SULT2B1: variants seen among roughly 807,000 people sequenced by gnomAD.
The protein encoded by SULT2B1 is sulfotransferase family 2B member 1, also known as sulfotransferase 2B1.
In SULT2B1, 16 loss-of-function variants were observed where a neutral mutation model predicts 33.2. That is an observed-to-expected ratio of 0.48 (90% confidence interval 0.33 to 0.73). The LOEUF is 0.73. Among genes scored for constraint, SULT2B1 ranks in the 30% least tolerant of loss-of-function variants. The probability of loss-of-function intolerance (pLI) is 0.02; values close to 1 mark genes in which losing one functional copy is unlikely to be tolerated. For missense variants in SULT2B1, 500 were observed against 506.0 expected, an observed-to-expected ratio of 0.99 and a Z score of 0.11; for synonymous variants, 186 against 200.5, an observed-to-expected ratio of 0.93 and a Z score of 0.61.
chr19:48,586,215 C>T lies in SULT2B1; in HGVS notation c.215-1014C>T, dbSNP rs926230911. Among the ~76,000 whole-genome samples the T allele has an allele frequency of 3.9e-5, 6 of 152,126 alleles. No individual in the cohort carries two copies. The East Asian group carries it at 1.2e-3, about 29-fold the overall frequency. ...CCAGCCTGGGTGACAGAGCAAGATT[C>T]TGTCCCCAAAAAAATAAATAAGTAA... On this transcript the variant is annotated intron_variant, in intron 2 of 6. Coordinates refer to ENST00000201586, the MANE Select transcript of SULT2B1 (RefSeq NM_177973.2).
chr19:48,557,643 A>C (rs13343592), intron 1 of SULT2B1, among the ~76,000 whole-genome samples: 36,475 of 149,290 alleles, frequency 0.24, 4,661 homozygotes, highest in East Asian at 0.45. Context: ...GAGGCCGGGC[A>C]CGGTGGCTCA....
At chr19:48,578,830 T>C (rs1464838119) in intron 2 of SULT2B1, among the ~76,000 whole-genome samples, 1 of 151,640 alleles carries the variant, frequency 6.6e-6, no homozygotes, top group Non-Finnish European at 1.5e-5. Flanking sequence ...GAGCCAAGAG[T>C]GCACCACTGA....
intron 1 of SULT2B1, among the ~76,000 whole-genome samples, chr19:48,567,477 G>A (rs762496997): frequency 5.3e-5 from 8 of 151,756 alleles, no homozygotes; most frequent in East Asian, 2.0e-4. Flanking sequence ...CAGGAGAATC[G>A]CTTGAACCCA....
chr19:48,560,211 C>T (rs1034601962), intron 1 of SULT2B1, among the ~76,000 whole-genome samples: 3 of 152,046 alleles, frequency 2.0e-5, no homozygotes, highest in South Asian at 2.1e-4. Flanking sequence ...GCCAGAAACT[C>T]GAATGCTAGC....
chr19:48,587,264 C>A lies in SULT2B1; in HGVS notation c.250C>A (p.Leu84Met), dbSNP rs773038899. Residue 84 changes from leucine to methionine, a missense_variant, in exon 3 of 7, where the codon CTG (leucine) becomes ATG (methionine). Physicochemically the swap from Leu to Met is conservative, Grantham distance 15. Transcript: ENST00000201586. Reference protein sequence around the residue: ...TWMIEIICLILKEGDPSWIRS... With the variant: ...TWMIEIICLIMKEGDPSWIRS... ...GATGATCGAGATCATCTGCTTAATC[C>A]TGAAGGAAGGGGATCCATCCTGGAT... 2.5e-6 allele frequency: 4 copies of A among 1,613,888 alleles called. No homozygotes were observed. Among genetic ancestry groups the A allele is most frequent in the Admixed American group, 1.7e-5 (1 of 59,958 alleles).
chr19:48,579,667 C>T (rs908491911), intron 2 of SULT2B1, among the ~76,000 whole-genome samples: 13 of 135,782 alleles, frequency 9.6e-5, no homozygotes, highest in African/African-American at 3.6e-4. Context: ...AATGCAATGG[C>T]GCAGTCTCGG....
intron 1 of SULT2B1, among the ~76,000 whole-genome samples, chr19:48,560,388 G>A (rs1973160059): frequency 6.6e-6 from 1 of 151,860 alleles, no homozygotes; most frequent in Non-Finnish European, 1.5e-5. Flanking sequence ...GGAAAACTGA[G>A]GCCCCACTCA....
chr19:48,576,374 T>TTTTTTTA (rs1973409274), intron 2 of SULT2B1, among the ~76,000 whole-genome samples: 1 of 140,454 alleles, frequency 7.1e-6, no homozygotes, highest in Non-Finnish European at 1.6e-5. Flanking sequence ...TTTTTTTTTT[T>TTTTTTTA]TTTGTAGAGA....
chr19:48,589,333 G>A (rs1278691070), intron 3 of SULT2B1, among the ~76,000 whole-genome samples: 1 of 152,128 alleles, frequency 6.6e-6, no homozygotes. Context: ...GGGAGCAGGC[G>A]GGGGAGGAAG....
chr19:48,574,140 G>A (rs1973370181), intron 1 of SULT2B1, among the ~76,000 whole-genome samples: 1 of 152,196 alleles, frequency 6.6e-6, no homozygotes, highest in Non-Finnish European at 1.5e-5. Context: ...GGGACTACAG[G>A]TGCAAGCCAC....
At chr19:48,564,338 G>T (rs543064259) in intron 1 of SULT2B1, among the ~76,000 whole-genome samples, 1 of 151,306 alleles carries the variant, frequency 6.6e-6, no homozygotes, top group Admixed American at 6.6e-5. Flanking sequence ...CGGATCACGA[G>T]GTCCAAAGAT....
rs1052131 is a variant in SULT2B1, at chr19:48,599,256, C to G, written c.948C>G (p.Asp316Glu). ...CCTGGGATGAAGACCCGGAGGAGGA[C>G]GGCAGCCCAGATCCTGAGCCCAGCC... ...TFPWDEDPEE[D>E]GSPDPEPSPE... Residue 316 changes from aspartate to glutamate, a missense_variant, in exon 7 of 7, where the codon GAC becomes GAG. By Grantham distance (45) the Asp-to-Glu change is conservative. Transcript: ENST00000201586. The surrounding 1 kb of genome is among the most constrained non-coding windows in gnomAD (Gnocchi z 4.1). 6.2e-7 allele frequency: 1 copy of G among 1,609,452 alleles called. No homozygotes were observed. The highest frequency in any genetic ancestry group is 8.5e-7 in the Non-Finnish European group (1 of 1,178,490).
intron 1 of SULT2B1, among the ~76,000 whole-genome samples, chr19:48,555,549 C>CTTCTCT (rs1555730907): frequency 8.1e-6 from 1 of 124,114 alleles, no homozygotes; most frequent in East Asian, 2.3e-4. Flanking sequence ...CCAGAGACAT[C>CTTCTCT]CTCTCTCTCT....
intron 1 of SULT2B1, among the ~76,000 whole-genome samples, chr19:48,560,030 G>A (rs146007218): frequency 1.6e-4 from 24 of 152,032 alleles, no homozygotes; most frequent in Admixed American, 9.2e-4. Context: ...TTCGAATGCC[G>A]CCCCTATGGC....
intron 1 of SULT2B1, among the ~76,000 whole-genome samples, chr19:48,566,852 A>AT (rs1973249770): frequency 6.6e-6 from 1 of 151,946 alleles, no homozygotes. Context: ...AAAAAAAAAA[A>AT]ATTAGAGGGA....
intron 2 of SULT2B1, among the ~76,000 whole-genome samples, chr19:48,577,325 G>A (rs1973426933): frequency 7.2e-6 from 1 of 139,632 alleles, no homozygotes. Context: ...AAAGTGTTGG[G>A]ATTACAGGTG....
Position 48,576,046 on chromosome 19 carries a change from G to A in SULT2B1, c.177G>A (p.Arg59=). Residue 59 remains arginine, a synonymous_variant, in exon 2 of 7, where the codon CGG becomes CGA. Transcript: ENST00000201586. ...TGGCGGAGAACACCCAAGATGTGCGGGACGACGACATCTTTATCATCACCT... is the reference window on the plus strand; with the variant it reads ...TGGCGGAGAACACCCAAGATGTGCGAGACGACGACATCTTTATCATCACCT... ...ISLAENTQDV[R]DDDIFIITYP... 1 of 1,613,602 alleles carries A rather than the reference G, an allele frequency of 6.2e-7. No homozygotes were observed. The highest frequency in any genetic ancestry group is 1.7e-5 in the Admixed American group (1 of 59,984).
intron 1 of SULT2B1, among the ~76,000 whole-genome samples, chr19:48,559,303 G>C (rs533254234): frequency 6.6e-6 from 1 of 152,110 alleles, no homozygotes; most frequent in Non-Finnish European, 1.5e-5. Flanking sequence ...CAGAGGAAAG[G>C]TTGGAAGTGG....
intron 1 of SULT2B1, among the ~76,000 whole-genome samples, chr19:48,567,332 G>A (rs1973258715): frequency 6.6e-6 from 1 of 151,866 alleles, no homozygotes; most frequent in Non-Finnish European, 1.5e-5. Flanking sequence ...GGGAGGCTGA[G>A]GCGGGCAGAT....
Sources: gnomAD v4.1 joint callset for allele counts (sites outside exome capture counted in the v4.1 genomes callset) on GRCh38, gnomAD v4.1.1 for gene constraint, Gnocchi (gnomAD v3.1) non-coding constraint, MANE v1.5 for transcripts, NCBI Gene and HGNC (gene_info 2026-07-23, HGNC 2026-07-21) for gene names.